The following UHRF1 variants were observed in gnomAD, a reference collection of about 807,000 sequenced individuals.
UHRF1 encodes ubiquitin like with PHD and ring finger domains 1.
In UHRF1, 9 loss-of-function variants were observed where a neutral mutation model predicts 96.5. The observed-to-expected ratio is 0.09, with a 90% confidence interval of 0.06 to 0.16. The LOEUF is 0.16. Ranked by LOEUF, UHRF1 falls within the 10% of genes least tolerant of loss-of-function variation. The pLI is 1.00. For synonymous variants in UHRF1, 455 were observed against 469.9 expected, an observed-to-expected ratio of 0.97 and a Z score of 0.41; for missense variants, 626 against 1,131.1, an observed-to-expected ratio of 0.55 and a Z score of 6.40.
intron 16 of UHRF1, among the ~76,000 whole-genome samples, chr19:4,957,052 A>G (rs2033875244): frequency 6.6e-6 from 1 of 152,172 alleles, no homozygotes; most frequent in South Asian, 2.1e-4. Flanking sequence ...GATGGGCCAC[A>G]GTCTTGGCCT....
upstream of UHRF1, among the ~76,000 whole-genome samples, chr19:4,908,145 A>G (rs2032109438): frequency 6.6e-6 from 1 of 152,152 alleles, no homozygotes; most frequent in Non-Finnish European, 1.5e-5. Flanking sequence ...GACGCTCCCC[A>G]ACTCAAAATC....
chr19:4,941,660 C>G (rs747654761), intron 6 of UHRF1, 32 bp downstream of exon 6: 2 of 1,600,700 alleles, frequency 1.2e-6, no homozygotes, highest in Non-Finnish European at 1.7e-6. Flanking sequence ...CCCCATCTTC[C>G]GCGGTGGGCA....
chr19:4,948,940 G>A (rs1249853215), intron 11 of UHRF1, among the ~76,000 whole-genome samples: 3 of 145,664 alleles, frequency 2.1e-5, no homozygotes, highest in Non-Finnish European at 4.5e-5. Context: ...TGGCTAACAT[G>A]GTGAAACCCC....
At chr19:4,956,481 G>A (rs965760309) in intron 15 of UHRF1, among the ~76,000 whole-genome samples, 4 of 152,212 alleles carry the variant, frequency 2.6e-5, no homozygotes, top group Admixed American at 6.5e-5. Context: ...TACTGGCTCC[G>A]CCTCATCCTC....
Position 4,954,877 on chromosome 19 carries a change from T to G in UHRF1, c.2130+55T>G. 2 of 1,592,610 alleles carry G rather than the reference T, an allele frequency of 1.3e-6. No homozygotes were observed. The highest frequency in any genetic ancestry group is 2.2e-5 in the East Asian group (1 of 44,628). ...GATTTGCGTTGACTGCGGTAAAATG[T>G]GTGGGGCTTGTTTCCCATGTTCCCC... On this transcript the variant is annotated intron_variant, in intron 15 of 16. Coordinates refer to ENST00000650932, the MANE Select transcript of UHRF1 (RefSeq NM_001048201.3). This position sits in a 1 kb window ranked among gnomAD's most constrained non-coding sequence, Gnocchi z 5.9.
intron 16 of UHRF1, among the ~76,000 whole-genome samples, chr19:4,957,279 A>G (rs994425236): frequency 1.4e-5 from 2 of 145,794 alleles, no homozygotes; most frequent in African/African-American, 5.1e-5. Context: ...TAGGAGGGAC[A>G]CAAGATCCCA....
intron 4 of UHRF1, among the ~76,000 whole-genome samples, chr19:4,932,005 C>T (rs1482037072): frequency 2.6e-5 from 4 of 152,190 alleles, no homozygotes; most frequent in Non-Finnish European, 5.9e-5. Flanking sequence ...GATCTCGGCT[C>T]ACCGCAACCT....
chr19:4,924,374 C>A (rs2032800683), intron 2 of UHRF1, among the ~76,000 whole-genome samples: 1 of 152,164 alleles, frequency 6.6e-6, no homozygotes, highest in Non-Finnish European at 1.5e-5. Context: ...TGGTCTTGAT[C>A]TCCTGACTTC....
chr19:4,910,022 A>C, intron 1 of UHRF1: 57 of 160,296 alleles, frequency 3.6e-4, no homozygotes, highest in Non-Finnish European at 4.8e-4. Flanking sequence ...ATCTGGGCCA[A>C]TGGGGAGCGA....
chr19:4,944,295 G>A (rs758712610), intron 8 of UHRF1, 40 bp downstream of exon 8: 8 of 1,613,500 alleles, frequency 5.0e-6, no homozygotes, highest in African/African-American at 4.0e-5. Flanking sequence ...GCCCCTCCCC[G>A]CCTGCCAGGG....
rs960973820 is a variant in UHRF1 at position 4,955,100 on chromosome 19, C to A, written c.2130+278C>A. Among the ~76,000 whole-genome samples the A allele has an allele frequency of 7.2e-5, 11 of 152,076 alleles. No individual in the cohort carries two copies. In the East Asian group the frequency reaches 1.7e-3, roughly 24 times the overall value. On this transcript the variant is annotated intron_variant, in intron 15 of 16. Transcript: ENST00000650932. ...GCTCCCCAGCCCCTGCACCCGCTCC[C>A]CAGCTCCGGCACCCCCTGCCATCCT...
rs1568421924 is a variant in UHRF1 at position 4,938,730 on chromosome 19, G to GGTTTTTTTTTTT, written c.786-2798_786-2797insGTTTTTTTTTTT. 6.2e-4 allele frequency among the ~76,000 whole-genome samples: 38 copies of GGTTTTTTTTTTT among 61,590 alleles called. 1 individual carries two copies. Among genetic ancestry groups the GGTTTTTTTTTTT allele is most frequent in the Non-Finnish European group, 9.4e-4 (32 of 34,022 alleles). The allele number at this position is 61,590 out of a possible 152,430, so 40.4% of individuals were successfully genotyped here. A position where few individuals can be genotyped will look rare whatever the true frequency, so the allele number is the denominator to read the frequency against. On this transcript the variant is annotated intron_variant, in intron 5 of 16. Coordinates refer to ENST00000650932, the MANE Select transcript of UHRF1 (RefSeq NM_001048201.3). ...GGCATAAGAGTTTTGTTTTGGTCAGGTTTTTTTTTTTTTTTTTTTTTTTTT... is the reference window on the plus strand; with the variant it reads ...GGCATAAGAGTTTTGTTTTGGTCAGGGTTTTTTTTTTTTTTTTTTTTTTTTTTTTTTTTTTTT...
intron 2 of UHRF1, among the ~76,000 whole-genome samples, chr19:4,924,815 C>G (rs1174538936): frequency 6.7e-6 from 1 of 150,286 alleles, no homozygotes; most frequent in Non-Finnish European, 1.5e-5. Flanking sequence ...AAGGCTTGCC[C>G]TTGGTGTTAA....
upstream of UHRF1, among the ~76,000 whole-genome samples, chr19:4,906,122 G>A (rs1329589933): frequency 6.6e-6 from 1 of 152,046 alleles, no homozygotes; most frequent in Non-Finnish European, 1.5e-5. Flanking sequence ...GACTACAGGT[G>A]CACACCACCA....
chr19:4,925,957 G>A (rs2032856324), intron 2 of UHRF1, among the ~76,000 whole-genome samples: 1 of 152,022 alleles, frequency 6.6e-6, no homozygotes, highest in South Asian at 2.1e-4. Flanking sequence ...GAGTGCAGTG[G>A]TGCAATCTCG....
chr19:4,953,190 G>A (rs906309413), intron 13 of UHRF1, among the ~76,000 whole-genome samples: 1 of 152,148 alleles, frequency 6.6e-6, no homozygotes, highest in Admixed American at 6.6e-5. Context: ...GATTAGACAG[G>A]ATTAGCCATT....
intron 2 of UHRF1, among the ~76,000 whole-genome samples, chr19:4,927,796 A>T (rs2032921775): frequency 6.6e-6 from 1 of 152,104 alleles, no homozygotes; most frequent in Non-Finnish European, 1.5e-5. Flanking sequence ...GACCCAGCCC[A>T]TCCCAGAGTG....
intron 11 of UHRF1, 87 bp downstream of exon 11, chr19:4,947,298 T>C (rs1029495345): frequency 9.2e-6 from 11 of 1,198,568 alleles, no homozygotes; most frequent in Non-Finnish European, 1.4e-5. Context: ...CAGCAAGTGA[T>C]AGTCTCATTA....
At chr19:4,944,035 C>T (rs898542799) in intron 7 of UHRF1, 97 bp from the exon 8 acceptor site, 206 of 1,539,278 alleles carry the variant, frequency 1.3e-4, no homozygotes, top group Admixed American at 6.7e-4. Flanking sequence ...TGGTGCCAGG[C>T]GGGGAGAGCC....
Sources: gnomAD v4.1 joint callset for allele counts (sites outside exome capture counted in the v4.1 genomes callset) on GRCh38, gnomAD v4.1.1 for gene constraint, Gnocchi (gnomAD v3.1) non-coding constraint, MANE v1.5 for transcripts, NCBI Gene and HGNC (gene_info 2026-07-23, HGNC 2026-07-21) for gene names.